Variants in MACROD2 observed in about 807,000 individuals in gnomAD.
The protein encoded by MACROD2 is mono-ADP ribosylhydrolase 2, also known as ADP-ribose glycohydrolase MACROD2.
Under a neutral mutation model 70.4 loss-of-function variants are expected in MACROD2, and 36 were observed. The observed-to-expected ratio is 0.51, with a 90% CI of 0.39 to 0.68. MACROD2 has a LOEUF of 0.68. Among genes scored for constraint, MACROD2 ranks in the 30% least tolerant of loss-of-function variants. The pLI, the probability that MACROD2 is intolerant of heterozygous loss-of-function variation, is 0.00. For synonymous variants in MACROD2, 172 were observed against 178.8 expected, an observed-to-expected ratio of 0.96 and a Z score of 0.30; for missense variants, 496 against 538.4, an observed-to-expected ratio of 0.92 and a Z score of 0.78.
intron 5 of MACROD2, among the ~76,000 whole-genome samples, chr20:15,100,586 T>C (rs138072866): frequency 6.6e-6 from 1 of 152,318 alleles, no homozygotes; most frequent in East Asian, 1.9e-4. Flanking sequence ...GCTAAAATTC[T>C]TCATCTAACA....
intron 15 of MACROD2, among the ~76,000 whole-genome samples, chr20:15,992,312 G>A (rs991485315): frequency 1.3e-5 from 2 of 152,096 alleles, no homozygotes. Context: ...TTTCATGTTA[G>A]GAGAAATCTA....
At chr20:15,079,053 G>A (rs2075682374) in intron 5 of MACROD2, among the ~76,000 whole-genome samples, 3 of 152,048 alleles carry the variant, frequency 2.0e-5, no homozygotes, top group African/African-American at 7.2e-5. Flanking sequence ...CATGCACCAT[G>A]GGTCCTAGAT....
chr20:15,750,514 T>C (rs556860826), intron 8 of MACROD2, among the ~76,000 whole-genome samples: 2 of 152,004 alleles, frequency 1.3e-5, no homozygotes, highest in South Asian at 4.2e-4. Flanking sequence ...GATTAATAGC[T>C]TGGGTAAGAG....
chr20:14,520,957 GCACACACACACA>G (rs915683434), intron 4 of MACROD2, among the ~76,000 whole-genome samples: 1 of 57,426 alleles, frequency 1.7e-5, no homozygotes, highest in Non-Finnish European at 3.3e-5. Flanking sequence ...GTGCGTGCGC[GCACACACACACA>G]CACACGCACA....
chr20:15,331,583 T>G (rs537315050), intron 6 of MACROD2, among the ~76,000 whole-genome samples: 1 of 151,644 alleles, frequency 6.6e-6, no homozygotes, highest in Non-Finnish European at 1.5e-5. Flanking sequence ...TTATGCTCAG[T>G]CCTCAGAACA....
chr20:14,493,580 T>C, intron 4 of MACROD2, 72 bp downstream of exon 4: 1 of 1,232,432 alleles, frequency 8.1e-7, no homozygotes, highest in African/African-American at 1.5e-5. Context: ...TTTAGTAAGT[T>C]CTGTGACACT....
chr20:14,187,126 A>G (rs1401893972), intron 3 of MACROD2, among the ~76,000 whole-genome samples: 1 of 143,608 alleles, frequency 7.0e-6, no homozygotes, highest in African/African-American at 2.6e-5. Context: ...AAGAATGCAA[A>G]AGTTTAAAAA....
rs11474396 is a variant in MACROD2, at chr20:14,730,979, GCA to G, written c.418+46049_418+46050del. Among the ~76,000 whole-genome samples, 1,213 of 138,672 alleles carry G rather than the reference GCA, an allele frequency of 8.7e-3. 10 individuals carry two copies. The highest frequency in any genetic ancestry group is 0.019 in the African/African-American group (733 of 38,906). 91.0% of individuals were successfully genotyped at this position (138,672 alleles called of 152,430 possible). ...GCTGTGTATTGCCCAAACAGGTTTA[GCA>G]CACACACACACACACACACACACAC... On this transcript the variant is annotated intron_variant, in intron 5 of 17. Coordinates refer to ENST00000684519, the MANE Select transcript of MACROD2 (RefSeq NM_001351661.2).
chr20:14,026,017 T>C (rs915012183), intron 2 of MACROD2, among the ~76,000 whole-genome samples: 1 of 152,208 alleles, frequency 6.6e-6, no homozygotes, highest in African/African-American at 2.4e-5. Context: ...GCTTTATGAA[T>C]CTGGGTGCAC....
intron 13 of MACROD2, among the ~76,000 whole-genome samples, chr20:15,967,862 G>A (rs940702876): frequency 2.6e-5 from 4 of 151,920 alleles, no homozygotes; most frequent in African/African-American, 9.7e-5. Flanking sequence ...CATTTATTTT[G>A]TTTATTGTTA....
chr20:15,865,415 A>G (rs1459668401), intron 9 of MACROD2, among the ~76,000 whole-genome samples: 1 of 152,158 alleles, frequency 6.6e-6, no homozygotes, highest in Admixed American at 6.5e-5. Flanking sequence ...TAATAATTCA[A>G]ACCTTTTTGA....
At chr20:14,289,919 T>C (rs2082372354) in intron 3 of MACROD2, among the ~76,000 whole-genome samples, 2 of 152,184 alleles carry the variant, frequency 1.3e-5, no homozygotes, top group South Asian at 4.1e-4. Flanking sequence ...ATTTATTAAT[T>C]CCAAAATAGA....
chr20:15,967,105 T>C (rs2066151640), intron 12 of MACROD2, among the ~76,000 whole-genome samples: 1 of 152,178 alleles, frequency 6.6e-6, no homozygotes, highest in African/African-American at 2.4e-5. Context: ...GAAGATGAAC[T>C]TAATTACCAC....
chr20:15,990,812 A>G (rs2066547728), intron 15 of MACROD2, among the ~76,000 whole-genome samples: 1 of 152,128 alleles, frequency 6.6e-6, no homozygotes, highest in African/African-American at 2.4e-5. Context: ...CAATCCTTAA[A>G]CTTCGAAGAA....
At chr20:14,235,550 GA>G (rs1203768312) in intron 3 of MACROD2, among the ~76,000 whole-genome samples, 1 of 152,022 alleles carries the variant, frequency 6.6e-6, no homozygotes, top group Admixed American at 6.6e-5. Context: ...AAAATGCCTT[GA>G]AAAATACTAT....
chr20:15,526,378 A>G (rs557767623), intron 8 of MACROD2, among the ~76,000 whole-genome samples: 12 of 152,312 alleles, frequency 7.9e-5, no homozygotes, highest in Non-Finnish European at 1.0e-4. Flanking sequence ...AATCCTCTAG[A>G]GAGTTGAAGA....
chr20:15,426,366 C>T (rs749544830), intron 6 of MACROD2, among the ~76,000 whole-genome samples: 10 of 152,022 alleles, frequency 6.6e-5, no homozygotes, highest in Non-Finnish European at 1.5e-4. Context: ...TTTTTTAAGA[C>T]ACGGTCTCAC....
At chr20:15,062,373 C>T (rs994464915) in intron 5 of MACROD2, among the ~76,000 whole-genome samples, 9 of 152,044 alleles carry the variant, frequency 5.9e-5, no homozygotes, top group South Asian at 4.1e-4. Flanking sequence ...GATGTACTTA[C>T]GTAAAAATTA....
At chr20:14,301,495 C>T (rs1036272834) in intron 3 of MACROD2, among the ~76,000 whole-genome samples, 1 of 152,072 alleles carries the variant, frequency 6.6e-6, no homozygotes, top group African/African-American at 2.4e-5. Context: ...TTTCCAAACT[C>T]CTTTCATGTC....
Sources: allele counts gnomAD v4.1 joint callset (sites outside exome capture counted in the v4.1 genomes callset), GRCh38; gene constraint gnomAD v4.1.1; transcripts MANE v1.5; gene names NCBI Gene and HGNC (gene_info 2026-07-23, HGNC 2026-07-21).